KAZN: variants seen among roughly 807,000 people sequenced by gnomAD.
KAZN encodes kazrin.
Under a neutral mutation model 87.4 loss-of-function variants are expected in KAZN, and 40 were observed. The ratio of observed to expected loss-of-function variants is 0.46; its 90% CI spans 0.36 to 0.60. The LOEUF is 0.60. Ranked by LOEUF, KAZN falls within the 20% of genes least tolerant of loss-of-function variation. The pLI, the probability that KAZN is intolerant of heterozygous loss-of-function variation, is 0.00. For missense variants in KAZN, 898 were observed against 1,073.9 expected (o/e 0.84, Z 2.29); for synonymous variants, 466 against 458.3 (o/e 1.02, Z -0.22).
intron 1 of KAZN, among the ~76,000 whole-genome samples, chr1:14,742,263 A>C (rs923275643): frequency 6.6e-6 from 1 of 152,190 alleles, no homozygotes; most frequent in Non-Finnish European, 1.5e-5. Context: ...GGCACTGAAT[A>C]AATATTTGTG....
chr1:14,985,586 G>T (rs1017252567), intron 2 of KAZN, among the ~76,000 whole-genome samples: 2 of 152,234 alleles, frequency 1.3e-5, no homozygotes, highest in Middle Eastern at 3.4e-3. Context: ...GGCGTTACCA[G>T]TAATGGACAG....
In KAZN at chr1:14,695,996, T is replaced by A. The variant is rs72866838; in HGVS notation, c.226+96773T>A. ...CCAGGAGACGTGTTGATACACAACA[T>A]GTTATATATAATTCAGTTTTCCTTT... On this transcript the variant is annotated intron_variant, in intron 1 of 14. Transcript: ENST00000376030. Among the ~76,000 whole-genome samples, 529 of 152,300 alleles carry A rather than the reference T, an allele frequency of 3.5e-3. 4 individuals are homozygous for A. Among genetic ancestry groups the A allele is most frequent in the African/African-American group, 0.012 (507 of 41,566 alleles).
At chr1:14,140,944 T>C (rs1191591272) in intron 1 of KAZN, among the ~76,000 whole-genome samples, 1 of 152,148 alleles carries the variant, frequency 6.6e-6, no homozygotes, top group African/African-American at 2.4e-5. Flanking sequence ...GCATCTCGCC[T>C]GCCAAGAATG....
chr1:14,587,265 AT>A (rs1675908475), intron 2 of KAZN, among the ~76,000 whole-genome samples: 1 of 151,852 alleles, frequency 6.6e-6, no homozygotes, highest in South Asian at 2.1e-4. Flanking sequence ...GTGAAACCCC[AT>A]CTCTACTAAA....
At chr1:13,924,742 GTGTT>G (rs1640206604) in intron 1 of KAZN, among the ~76,000 whole-genome samples, 1 of 152,146 alleles carries the variant, frequency 6.6e-6, no homozygotes, top group Non-Finnish European at 1.5e-5. Context: ...GACTGAACCA[GTGTT>G]CCTCTTCCAT....
At chr1:14,868,384 T>C (rs912236609) in intron 1 of KAZN, among the ~76,000 whole-genome samples, 1 of 152,178 alleles carries the variant, frequency 6.6e-6, no homozygotes, top group Non-Finnish European at 1.5e-5. Context: ...TCTAACACTT[T>C]CCTGGGATGG....
chr1:14,725,435 A>G (rs576120104), intron 1 of KAZN, among the ~76,000 whole-genome samples: 5 of 148,344 alleles, frequency 3.4e-5, no homozygotes, highest in East Asian at 2.0e-4. Context: ...CTGACTAACC[A>G]TAAGTTTCAT....
chr1:14,132,234 T>C (rs530940997), intron 1 of KAZN, among the ~76,000 whole-genome samples: 3 of 152,196 alleles, frequency 2.0e-5, no homozygotes, highest in South Asian at 4.2e-4. Flanking sequence ...TTTGGAGGCA[T>C]TTGCTCCCTT....
chr1:14,314,209 C>T (rs1372302450), intron 2 of KAZN, among the ~76,000 whole-genome samples: 1 of 152,158 alleles, frequency 6.6e-6, no homozygotes, highest in East Asian at 1.9e-4. Context: ...AGAGATTGCA[C>T]TACTTGTAGA....
chr1:14,598,312 C>T (rs1420327088), upstream of KAZN, among the ~76,000 whole-genome samples: 2 of 152,140 alleles, frequency 1.3e-5, no homozygotes, highest in African/African-American at 4.8e-5. The surrounding 1 kb of genome is among the most constrained non-coding windows in gnomAD (Gnocchi z 4.2). Context: ...GCAAGCGTCT[C>T]CCTTCCATGG....
intron 2 of KAZN, among the ~76,000 whole-genome samples, chr1:14,261,502 T>G (rs1025801605): frequency 6.6e-6 from 1 of 152,196 alleles, no homozygotes; most frequent in Non-Finnish European, 1.5e-5. Flanking sequence ...GCCTAGCTAT[T>G]GATTTTCTGC....
At chr1:13,951,748 T>A (rs1035739806) in intron 1 of KAZN, among the ~76,000 whole-genome samples, 1 of 152,142 alleles carries the variant, frequency 6.6e-6, no homozygotes, top group Non-Finnish European at 1.5e-5. Flanking sequence ...ATGATGATCA[T>A]GCTCTTTGTG....
chr1:14,966,463 G>A (rs1004470454), intron 2 of KAZN, among the ~76,000 whole-genome samples: 1 of 152,090 alleles, frequency 6.6e-6, no homozygotes, highest in South Asian at 2.1e-4. Context: ...AAAATCTGGC[G>A]TACGCAGTTT....
Position 15,101,657 on chromosome 1 carries a change from G to A in KAZN, c.1662G>A (p.Met554Ile). The A allele has an allele frequency of 6.3e-7, 1 of 1,583,256 alleles. No homozygotes were observed. Residue 554 changes from methionine to isoleucine, a missense_variant, in exon 11 of 15, where the codon ATG becomes ATA. Physicochemically the swap from Met to Ile is conservative, Grantham distance 10 (BLOSUM62 1). This residue lies in a region of KAZN where 521 missense variants were observed against 689.4 expected (regional missense o/e 0.76). Transcript: ENST00000376030. ...AGAACCACCTGGTTGATGGGCGGAT[G>A]CTGAATTCCCTGATGAAGCGAGACC... ...AFQNHLVDGR[M>I]LNSLMKRDLE... is the part of the protein sequence containing the mutation.
chr1:14,543,197 C>T (rs1672923475), intron 2 of KAZN, among the ~76,000 whole-genome samples: 1 of 152,190 alleles, frequency 6.6e-6, no homozygotes, highest in Non-Finnish European at 1.5e-5. Flanking sequence ...CAATGTGACT[C>T]AACATATAAT....
At chr1:14,867,738 C>A (rs1029188933) in intron 1 of KAZN, among the ~76,000 whole-genome samples, 1 of 132,622 alleles carries the variant, frequency 7.5e-6, no homozygotes, top group African/African-American at 2.7e-5. Flanking sequence ...CCCCCCCCAC[C>A]CTGGGCATGG....
intron 2 of KAZN, among the ~76,000 whole-genome samples, chr1:14,971,681 C>CTTTT (rs1009399616): frequency 4.8e-5 from 5 of 104,814 alleles, no homozygotes; most frequent in Non-Finnish European, 5.7e-5. Flanking sequence ...TTTTCTTTTT[C>CTTTT]TTTTTTTTTT....
intron 1 of KAZN, among the ~76,000 whole-genome samples, chr1:14,665,115 C>T (rs143018227): frequency 6.6e-6 from 1 of 152,196 alleles, no homozygotes. Context: ...GCTGCCCCAA[C>T]AAAGATGGTC....
At position 14,169,314 on chromosome 1, in the gene KAZN, C is replaced by T. The variant is rs1465632727; in HGVS notation, c.92-11121C>T. 2.0e-5 allele frequency among the ~76,000 whole-genome samples: 3 copies of T among 152,162 alleles called. No individual in the cohort carries two copies. In the East Asian group the frequency reaches 5.8e-4, roughly 29 times the overall value. On this transcript the variant is annotated intron_variant, in intron 1 of 16. Coordinates refer to the KAZN transcript ENST00000636203. ...CTCCTCTTCTCTCCCCTCCCCTCCC[C>T]TTCCTTCCCTGCTCTTCTCTTGTTG...
Sources: gnomAD v4.1 joint callset for allele counts (sites outside exome capture counted in the v4.1 genomes callset) on GRCh38, gnomAD v4.1.1 for gene constraint, gnomAD v4.1.1 regional missense constraint, Gnocchi (gnomAD v3.1) non-coding constraint, MANE v1.5 for transcripts, NCBI Gene and HGNC (gene_info 2026-07-23, HGNC 2026-07-21) for gene names.